WWOX: variants seen among roughly 807,000 people sequenced by gnomAD.
WWOX encodes the protein WW domain containing oxidoreductase.
A neutral mutation model predicts 46.2 loss-of-function variants in WWOX; 69 were observed. The ratio of observed to expected loss-of-function variants is 1.49; its 90% CI spans 1.23 to 1.82. The LOEUF is 1.82. Among genes scored for constraint, WWOX ranks in the 40% most tolerant of loss-of-function variants. The pLI is 0.00. For missense variants in WWOX, 919 were observed against 542.6 expected, an observed-to-expected ratio of 1.69 and a Z score of -6.89; for synonymous variants, 359 against 202.6, an observed-to-expected ratio of 1.77 and a Z score of -6.56.
intron 8 of WWOX, among the ~76,000 whole-genome samples, chr16:78,753,258 C>T (rs1288273899): frequency 6.6e-6 from 1 of 152,054 alleles, no homozygotes; most frequent in African/African-American, 2.4e-5. Context: ...CGAGATTACA[C>T]CACTACCCTC....
intron 5 of WWOX, among the ~76,000 whole-genome samples, chr16:78,317,154 G>C (rs1265237970): frequency 1.3e-5 from 2 of 152,180 alleles, no homozygotes; most frequent in African/African-American, 4.8e-5. Context: ...GTAAGGGAAG[G>C]CTTCTGGAAA....
At chr16:79,004,695 G>C (rs534537791) in intron 8 of WWOX, 1 of 152,212 alleles carries the variant, frequency 6.6e-6, no homozygotes, top group Admixed American at 6.5e-5. Context: ...GATTCTGGGC[G>C]TTTCACGGGA....
intron 8 of WWOX, among the ~76,000 whole-genome samples, chr16:78,438,171 C>T (rs1873532879): frequency 6.6e-6 from 1 of 152,148 alleles, no homozygotes; most frequent in Admixed American, 6.5e-5. Flanking sequence ...CATATATTTT[C>T]ATTAATTTCT....
chr16:78,289,627 A>T (rs1033931449), intron 5 of WWOX, among the ~76,000 whole-genome samples: 1 of 152,214 alleles, frequency 6.6e-6, no homozygotes, highest in East Asian at 1.9e-4. Flanking sequence ...GATTCACCTC[A>T]TGAACGAAGG....
chr16:78,174,998 G>GTAATCA (rs1555548217), intron 5 of WWOX, among the ~76,000 whole-genome samples: 1 of 140,880 alleles, frequency 7.1e-6, no homozygotes, highest in Admixed American at 7.1e-5. Flanking sequence ...AAAAATAATA[G>GTAATCA]TAATAATAAT....
chr16:78,194,597 A>G (rs2035990215), intron 5 of WWOX, among the ~76,000 whole-genome samples: 1 of 151,830 alleles, frequency 6.6e-6, no homozygotes, highest in African/African-American at 2.4e-5. Context: ...CAAAAAAAAA[A>G]AAAAAAAAGA....
chr16:79,032,928 C>A (rs191216800), intron 8 of WWOX, among the ~76,000 whole-genome samples: 91 of 151,562 alleles, frequency 6.0e-4, no homozygotes, highest in African/African-American at 2.2e-3. Context: ...CCACCCTCCA[C>A]CCTTTGGTAG....
rs756722806 is a variant in WWOX at position 78,164,287 on chromosome 16, T to C, written c.514T>C (p.Trp172Arg). ...AGCAGTGTCACGCATTTTAGAAGAATGGGTAAGTGCTTGACTGTTGTTGTT... is the reference window on the plus strand; with the variant it reads ...AGCAGTGTCACGCATTTTAGAAGAACGGGTAAGTGCTTGACTGTTGTTGTT... The part of the protein sequence containing the change: ...SEAVSRILEE[W>R]HKAKVEAMTL... Residue 172 changes from tryptophan to arginine, a missense_variant and splice_region_variant, in exon 5 of 9, where the codon TGG becomes CGG. Physicochemically the swap from Trp to Arg is moderately radical, Grantham distance 101 (BLOSUM62 -3). Coordinates refer to ENST00000566780, the MANE Select transcript of WWOX (RefSeq NM_016373.4). The C allele has an allele frequency of 1.2e-6, 2 of 1,613,744 alleles. No individual in the cohort carries two copies. The highest frequency in any genetic ancestry group is 1.1e-5 in the South Asian group (1 of 90,994).
intron 8 of WWOX, among the ~76,000 whole-genome samples, chr16:78,692,871 T>G (rs1016369220): frequency 6.6e-6 from 1 of 152,196 alleles, no homozygotes; most frequent in East Asian, 1.9e-4. Flanking sequence ...GCCATGTTGT[T>G]TATAGTAAAA....
chr16:79,181,294 T>G (rs2050906909), intron 8 of WWOX, among the ~76,000 whole-genome samples: 1 of 152,246 alleles, frequency 6.6e-6, no homozygotes, highest in South Asian at 2.1e-4. Flanking sequence ...GCTTGCATAC[T>G]GCTCTGTGCT....
chr16:78,295,512 G>A (rs1025663119), intron 5 of WWOX, among the ~76,000 whole-genome samples: 1 of 152,158 alleles, frequency 6.6e-6, no homozygotes, highest in African/African-American at 2.4e-5. Flanking sequence ...AGGAGTTCAA[G>A]ACCAGCCTGG....
At chr16:78,995,358 T>C (rs1484897613) in intron 8 of WWOX, among the ~76,000 whole-genome samples, 1 of 152,082 alleles carries the variant, frequency 6.6e-6, no homozygotes, top group Non-Finnish European at 1.5e-5. Context: ...CTGAGAAGTG[T>C]GCCTGTGGAC....
At chr16:78,895,321 C>T (rs1215147478) in intron 8 of WWOX, 1 of 152,164 alleles carries the variant, frequency 6.6e-6, no homozygotes, top group East Asian at 1.9e-4. Context: ...ACTTAAGTTT[C>T]TGTGCATACA....
At chr16:78,636,807 C>G (rs2046582818) in intron 8 of WWOX, among the ~76,000 whole-genome samples, 2 of 152,288 alleles carry the variant, frequency 1.3e-5, no homozygotes, top group Admixed American at 6.5e-5. Flanking sequence ...GGCATTCAAC[C>G]TCCTGTTAAT....
At chr16:78,572,688 A>C (rs1597287328) in intron 8 of WWOX, among the ~76,000 whole-genome samples, 1 of 151,882 alleles carries the variant, frequency 6.6e-6, no homozygotes, top group Non-Finnish European at 1.5e-5. Flanking sequence ...AAGTATAGGC[A>C]AAGCTAAACA....
chr16:78,442,317 A>G (rs1442616368), intron 8 of WWOX, among the ~76,000 whole-genome samples: 1 of 152,072 alleles, frequency 6.6e-6, no homozygotes, highest in East Asian at 1.9e-4. Flanking sequence ...TCAAGTATAT[A>G]ATACGTTATT....
intron 8 of WWOX, among the ~76,000 whole-genome samples, chr16:79,128,909 C>T (rs1039837125): frequency 6.6e-5 from 10 of 152,118 alleles, no homozygotes; most frequent in African/African-American, 2.2e-4. Flanking sequence ...TCCCACAACC[C>T]GCACAAAGGT....
chr16:78,542,785 C>A (rs1050083191), intron 8 of WWOX, among the ~76,000 whole-genome samples: 4 of 152,164 alleles, frequency 2.6e-5, no homozygotes, highest in Admixed American at 1.3e-4. Flanking sequence ...GTAATAAGCT[C>A]CAAGTGCTTT....
At chr16:78,331,433 C>T (rs1450210130) in intron 5 of WWOX, among the ~76,000 whole-genome samples, 1 of 152,150 alleles carries the variant, frequency 6.6e-6, no homozygotes, top group African/African-American at 2.4e-5. Flanking sequence ...TACTTCATGA[C>T]AGTGTCTTAT....
Sources: gnomAD v4.1 joint callset for allele counts (sites outside exome capture counted in the v4.1 genomes callset) on GRCh38, gnomAD v4.1.1 for gene constraint, MANE v1.5 for transcripts, NCBI Gene and HGNC (gene_info 2026-07-23, HGNC 2026-07-21) for gene names.